The following IL1RAPL1 variants were observed in gnomAD, a reference collection of about 807,000 sequenced individuals.
IL1RAPL1 encodes the protein interleukin 1 receptor accessory protein like 1, also known as interleukin-1 receptor accessory protein-like 1.
IL1RAPL1 carries 3 observed loss-of-function variants against 48.4 expected under a neutral mutation model. The ratio of observed to expected loss-of-function variants is 0.06; its 90% CI spans 0.03 to 0.16. The LOEUF is 0.16. Ranked by LOEUF, IL1RAPL1 falls within the 10% of genes least tolerant of loss-of-function variation. The pLI is 1.00. For missense variants in IL1RAPL1, 349 were observed against 530.6 expected (o/e 0.66, Z 3.36); for synonymous variants, 185 against 187.7 (o/e 0.99, Z 0.12).
intron 5 of IL1RAPL1, among the ~76,000 whole-genome samples, chrX:29,455,854 A>G (rs1286759211): frequency 1.8e-5 from 2 of 111,338 alleles, no homozygotes; most frequent in African/African-American, 6.5e-5. Context: ...TAAAAACGTT[A>G]AAATTGTTAG....
chrX:28,741,603 T>C (rs1935907880), intron 1 of IL1RAPL1, among the ~76,000 whole-genome samples: 1 of 111,865 alleles, frequency 8.9e-6, no homozygotes, highest in South Asian at 3.7e-4. Context: ...TAAAACATTT[T>C]CCAAGAGATT....
At chrX:29,529,764 A>G (rs1410500510) in intron 5 of IL1RAPL1, among the ~76,000 whole-genome samples, 1 of 111,265 alleles carries the variant, frequency 9.0e-6, no homozygotes, top group East Asian at 2.8e-4. Context: ...TATAATATGT[A>G]CAACATACTC....
chrX:29,447,544 G>T (rs2147723794), intron 5 of IL1RAPL1, among the ~76,000 whole-genome samples: 1 of 112,187 alleles, frequency 8.9e-6, no homozygotes, highest in African/African-American at 3.2e-5. Flanking sequence ...ATTAAAGAGT[G>T]AATAGTGTTT....
intron 2 of IL1RAPL1, among the ~76,000 whole-genome samples, chrX:29,257,403 C>A (rs1047030193): frequency 9.0e-6 from 1 of 111,588 alleles, no homozygotes; most frequent in Admixed American, 9.6e-5. Flanking sequence ...CTATTTACAT[C>A]TCTCTGTTCT....
chrX:28,709,591 G>A (rs1451405426), intron 1 of IL1RAPL1, among the ~76,000 whole-genome samples: 1 of 111,165 alleles, frequency 9.0e-6, no homozygotes, highest in Non-Finnish European at 1.9e-5. Context: ...AATGGGGTGG[G>A]GTCGTGGGAG....
chrX:29,663,407 G>A lies in IL1RAPL1; in HGVS notation c.704-5023G>A, dbSNP rs893340915. Among the ~76,000 whole-genome samples the A allele has an allele frequency of 5.4e-5, 6 of 112,109 alleles. No individual in the cohort carries two copies. In the Admixed American group the frequency reaches 5.7e-4, roughly 11 times the overall value. Reference sequence around the variant, plus strand: ...AAAGTTATCTCTGAGTATAGCACTCGCCACAGTGCATCATAAATATGCTCT... The same window carrying A: ...AAAGTTATCTCTGAGTATAGCACTCACCACAGTGCATCATAAATATGCTCT... On this transcript the variant is annotated intron_variant, in intron 5 of 10. Coordinates refer to ENST00000378993, the MANE Select transcript of IL1RAPL1 (RefSeq NM_014271.4).
chrX:28,892,109 G>A (rs1601946709), intron 2 of IL1RAPL1, among the ~76,000 whole-genome samples: 1 of 110,657 alleles, frequency 9.0e-6, no homozygotes, highest in East Asian at 2.8e-4. Flanking sequence ...ATATATTCTA[G>A]ATGCAAGTTT....
rs766342711 is a variant in IL1RAPL1 at position 29,067,947 on chromosome X, A to T, written c.83-214991A>T. On this transcript the variant is annotated intron_variant, in intron 2 of 10. Transcript: ENST00000378993. ...TTGAGTTCTACAAAACTTATTGCTGAATGAGGTATAGATTTGGATATTAGA... is the reference window on the plus strand; with the variant it reads ...TTGAGTTCTACAAAACTTATTGCTGTATGAGGTATAGATTTGGATATTAGA... Among the ~76,000 whole-genome samples, 5 of 112,098 alleles carry T rather than the reference A, an allele frequency of 4.5e-5. No individual in the cohort carries two copies. The South Asian group carries it at 1.8e-3, about 41-fold the overall frequency.
At chrX:29,148,346 A>G (rs1392996716) in intron 2 of IL1RAPL1, among the ~76,000 whole-genome samples, 1 of 111,814 alleles carries the variant, frequency 8.9e-6, no homozygotes, top group African/African-American at 3.2e-5. Context: ...TTTTAATGAT[A>G]CATAGTCACC....
intron 1 of IL1RAPL1, among the ~76,000 whole-genome samples, chrX:28,649,962 G>A (rs779146058): frequency 3.6e-5 from 4 of 111,594 alleles, no homozygotes; most frequent in African/African-American, 9.8e-5. Flanking sequence ...CATGAGAGAA[G>A]AGTTTTCTAC....
At chrX:29,158,036 A>G (rs1879814697) in intron 2 of IL1RAPL1, among the ~76,000 whole-genome samples, 1 of 111,390 alleles carries the variant, frequency 9.0e-6, no homozygotes, top group Non-Finnish European at 1.9e-5. Flanking sequence ...TTATAAGACT[A>G]TTTGTGCCCT....
At chrX:29,008,294 C>T (rs1475099675) in intron 2 of IL1RAPL1, among the ~76,000 whole-genome samples, 3 of 107,804 alleles carry the variant, frequency 2.8e-5, no homozygotes, top group African/African-American at 1.0e-4. Flanking sequence ...CTCAGCCTCC[C>T]GAGTAGGGTA....
intron 2 of IL1RAPL1, among the ~76,000 whole-genome samples, chrX:28,994,060 G>A (rs1925672796): frequency 9.1e-6 from 1 of 110,278 alleles, no homozygotes; most frequent in Non-Finnish European, 1.9e-5. Context: ...CTAGAATGAG[G>A]CATTTTAAGA....
At chrX:29,649,486 G>T (rs759718279) in intron 5 of IL1RAPL1, among the ~76,000 whole-genome samples, 2 of 111,629 alleles carry the variant, frequency 1.8e-5, no homozygotes, top group East Asian at 5.6e-4. Context: ...CAGAAGGAAG[G>T]ATAAAGACCA....
intron 2 of IL1RAPL1, among the ~76,000 whole-genome samples, chrX:28,933,090 C>A (rs1158094398): frequency 8.9e-6 from 1 of 111,846 alleles, no homozygotes; most frequent in South Asian, 3.7e-4. Flanking sequence ...TGATTTCTAG[C>A]AAGCCAGAGC....
At chrX:29,806,828 G>A (rs1415315295) in intron 6 of IL1RAPL1, among the ~76,000 whole-genome samples, 1 of 111,229 alleles carries the variant, frequency 9.0e-6, no homozygotes, top group African/African-American at 3.3e-5. Context: ...AGTGTTGGAG[G>A]TGGGGACTGG....
chrX:29,257,326 G>A (rs752756812), intron 2 of IL1RAPL1, among the ~76,000 whole-genome samples: 10 of 111,112 alleles, frequency 9.0e-5, no homozygotes, highest in African/African-American at 2.0e-4. Flanking sequence ...AGATATTAGC[G>A]CCATTAAAAA....
chrX:29,372,771 G>GTT (rs1933562466), intron 3 of IL1RAPL1, among the ~76,000 whole-genome samples: 1 of 82,100 alleles, frequency 1.2e-5, no homozygotes, highest in Non-Finnish European at 2.3e-5. Context: ...TGGTCTATGT[G>GTT]TCTTTTTTTT....
intron 2 of IL1RAPL1, among the ~76,000 whole-genome samples, chrX:29,145,131 G>T (rs1164198612): frequency 8.9e-6 from 1 of 111,766 alleles, no homozygotes; most frequent in Non-Finnish European, 1.9e-5. Context: ...ACCTGAGCCG[G>T]ATAATTGTGC....
Sources: allele counts gnomAD v4.1 joint callset (sites outside exome capture counted in the v4.1 genomes callset), GRCh38; gene constraint gnomAD v4.1.1; transcripts MANE v1.5; gene names NCBI Gene and HGNC (gene_info 2026-07-23, HGNC 2026-07-21).